Variants in BLTP1 observed in about 807,000 individuals in gnomAD.
The protein encoded by BLTP1 is fragile site-associated protein.
the BLTP1 span, chr4:122,227,329 A>C: frequency 1.0e-6 from 1 of 986,082 alleles, no homozygotes; most frequent in Non-Finnish European, 1.2e-6. Context: ...GAGTCATTAC[A>C]ATATCTTCAC....
At chr4:122,205,774 T>C in the BLTP1 span, 477 of 118,524 alleles carry the variant, frequency 4.0e-3, 3 homozygotes, top group Middle Eastern at 8.3e-3. Flanking sequence ...TCTCTCTCTT[T>C]CTCTGTCACA....
chr4:122,186,011 A>G, the BLTP1 span: 1 of 1,496,760 alleles, frequency 6.7e-7, no homozygotes. Flanking sequence ...TTGACTAAAA[A>G]TTTTTTTGTA....
the BLTP1 span, chr4:122,187,208 A>G: frequency 1.0e-6 from 1 of 977,560 alleles, no homozygotes; most frequent in Non-Finnish European, 1.2e-6. Flanking sequence ...TTGTTATAAT[A>G]GCTTATCCAT....
the BLTP1 span, chr4:122,164,443 C>G: frequency 1.0e-6 from 1 of 983,798 alleles, no homozygotes; most frequent in Non-Finnish European, 1.2e-6. Flanking sequence ...GAATCTCCTT[C>G]CACTGATTAG....
chr4:122,234,983 A>C, the BLTP1 span: 15 of 1,609,812 alleles, frequency 9.3e-6, no homozygotes, highest in African/African-American at 2.0e-4. Context: ...TACAGCCTGG[A>C]GAATGGATAA....
the BLTP1 span, chr4:122,277,172 A>G: frequency 1.4e-6 from 1 of 738,630 alleles, no homozygotes; most frequent in African/African-American, 1.9e-5. Flanking sequence ...CCCTGTCTCT[A>G]CAAAAAATTT....
At chr4:122,176,784 A>T in the BLTP1 span, among the ~76,000 whole-genome samples, 4 of 152,210 alleles carry the variant, frequency 2.6e-5, no homozygotes, top group Non-Finnish European at 5.9e-5. Flanking sequence ...ATTTTGCCGT[A>T]GTTCTTTGGC....
At chr4:122,183,425 T>G in the BLTP1 span, 1 of 983,174 alleles carries the variant, frequency 1.0e-6, no homozygotes, top group Non-Finnish European at 1.2e-6. Context: ...ATCAGAAAAT[T>G]CTAAAGTGGT....
the BLTP1 span, chr4:122,239,628 A>G: frequency 2.5e-6 from 4 of 1,614,050 alleles, no homozygotes; most frequent in Non-Finnish European, 3.4e-6. Flanking sequence ...TGTCTGTTCC[A>G]CCCGTCTTGG....
the BLTP1 span, among the ~76,000 whole-genome samples, chr4:122,351,906 G>A: frequency 6.6e-6 from 1 of 152,114 alleles, no homozygotes; most frequent in Non-Finnish European, 1.5e-5. Flanking sequence ...TGAGAGGTAT[G>A]GAAAACAGCC....
At chr4:122,308,078 C>G in the BLTP1 span, 1 of 1,613,556 alleles carries the variant, frequency 6.2e-7, no homozygotes, top group Non-Finnish European at 8.5e-7. Flanking sequence ...CAGCAAACAT[C>G]AGCCCAGGCC....
the BLTP1 span, chr4:122,256,144 G>T: frequency 1.0e-6 from 1 of 984,906 alleles, no homozygotes; most frequent in Non-Finnish European, 1.2e-6. Flanking sequence ...GGACACACAA[G>T]AATCTTTAGT....
chr4:122,194,253 C>T, the BLTP1 span, among the ~76,000 whole-genome samples: 2 of 152,112 alleles, frequency 1.3e-5, no homozygotes, highest in African/African-American at 4.8e-5. Flanking sequence ...ATAGGAATAC[C>T]TGCCTCATTA....
chr4:122,281,851 T>TA, the BLTP1 span: 1 of 1,396,212 alleles, frequency 7.2e-7, no homozygotes, highest in Admixed American at 2.7e-5. Flanking sequence ...GATAAAAAGG[T>TA]AAATTTGGTT....
chr4:122,261,972 G>A, the BLTP1 span: 9 of 985,366 alleles, frequency 9.1e-6, no homozygotes, highest in African/African-American at 1.6e-4. Context: ...GGTATCCATT[G>A]CGTCAACATT....
chr4:122,194,761 C>CA, the BLTP1 span: 2 of 736,758 alleles, frequency 2.7e-6, no homozygotes, highest in Non-Finnish European at 3.3e-6. Flanking sequence ...TATATTTACA[C>CA]AAAAACCCAA....
chr4:122,238,673 G>A, the BLTP1 span, among the ~76,000 whole-genome samples: 8 of 152,032 alleles, frequency 5.3e-5, no homozygotes, highest in African/African-American at 1.9e-4. Flanking sequence ...TCCTCCTCTT[G>A]CCACCTTAAT....
chr4:122,349,508 T>C, the BLTP1 span: 3 of 1,608,818 alleles, frequency 1.9e-6, no homozygotes, highest in East Asian at 4.5e-5. This position sits in a 1 kb window ranked among gnomAD's most constrained non-coding sequence, Gnocchi z 4.5. Flanking sequence ...TTACTATGGG[T>C]TCTACTGAAG....
At chr4:122,187,984 T>G in the BLTP1 span, 1 of 1,598,000 alleles carries the variant, frequency 6.3e-7, no homozygotes, top group Non-Finnish European at 8.5e-7. Context: ...CAAAACCACC[T>G]TCAAGTCATC....
Sources: gnomAD v4.1 joint callset for allele counts (sites outside exome capture counted in the v4.1 genomes callset) on GRCh38, gnomAD v4.1.1 for gene constraint, Gnocchi (gnomAD v3.1) non-coding constraint, MANE v1.5 for transcripts, NCBI Gene and HGNC (gene_info 2026-07-23, HGNC 2026-07-21) for gene names.